Variants in EPHB1 observed in about 807,000 individuals in gnomAD.
EPHB1 encodes EPH receptor B1, also known as ephrin type-B receptor 1.
In EPHB1, 30 loss-of-function variants were observed where a neutral mutation model predicts 94.4. The observed-to-expected ratio is 0.32, with a 90% CI of 0.24 to 0.43. The LOEUF (loss-of-function observed/expected upper bound fraction) is 0.43, where lower values mean the gene tolerates loss of function less well. Among genes scored for constraint, EPHB1 ranks in the 20% least tolerant of loss-of-function variants. The pLI is 1.00. For synonymous variants in EPHB1, 522 were observed against 489.1 expected, an observed-to-expected ratio of 1.07 and a Z score of -0.89; for missense variants, 1,055 against 1,308.3, an observed-to-expected ratio of 0.81 and a Z score of 2.99.
intron 3 of EPHB1, among the ~76,000 whole-genome samples, chr3:135,001,112 T>G (rs1421538535): frequency 6.6e-6 from 1 of 152,192 alleles, no homozygotes; most frequent in Non-Finnish European, 1.5e-5. Flanking sequence ...GTGCTGATCC[T>G]CCTTGGGGCA....
intron 1 of EPHB1, among the ~76,000 whole-genome samples, chr3:134,834,232 G>T (rs1043129896): frequency 6.6e-6 from 1 of 152,192 alleles, no homozygotes; most frequent in Non-Finnish European, 1.5e-5. Context: ...TTAGAATAGA[G>T]CCTGGTAAAC....
At chr3:135,122,923 G>A (rs1940033506) in intron 4 of EPHB1, among the ~76,000 whole-genome samples, 1 of 152,096 alleles carries the variant, frequency 6.6e-6, no homozygotes. Context: ...GTGTTTCCAA[G>A]ACCCTAATGA....
chr3:135,134,690 G>A (rs770528968), intron 5 of EPHB1, among the ~76,000 whole-genome samples: 2 of 152,186 alleles, frequency 1.3e-5, no homozygotes, highest in African/African-American at 2.4e-5. Context: ...ATTATGTTAA[G>A]CATGTAACAT....
At chr3:134,921,758 C>T (rs1186562115) in intron 1 of EPHB1, among the ~76,000 whole-genome samples, 1 of 152,106 alleles carries the variant, frequency 6.6e-6, no homozygotes, top group Non-Finnish European at 1.5e-5. Context: ...AATAGCAATA[C>T]CTCATGTTTC....
intron 2 of EPHB1, among the ~76,000 whole-genome samples, chr3:134,944,158 C>A (rs1325589201): frequency 1.3e-5 from 2 of 152,278 alleles, no homozygotes; most frequent in East Asian, 3.9e-4. Flanking sequence ...TACTAACATA[C>A]CTCTCTGTCT....
At chr3:134,990,077 T>C (rs1217724565) in intron 3 of EPHB1, among the ~76,000 whole-genome samples, 3 of 152,206 alleles carry the variant, frequency 2.0e-5, no homozygotes, top group Admixed American at 6.5e-5. Flanking sequence ...CAATTTCTCC[T>C]TACCAAATTC....
At position 134,948,911 on chromosome 3, in the gene EPHB1, A is replaced by G. The variant is rs1187227467; in HGVS notation, c.124-2460A>G. On this transcript the variant is annotated intron_variant, in intron 2 of 15. Transcript: ENST00000398015. ...TGAGGGGATTTTCCAGAGCTGGAGT[A>G]ACTCAGGCAAAGAAGAACAAAAAGC... 2.0e-5 allele frequency among the ~76,000 whole-genome samples: 3 copies of G among 152,384 alleles called. No homozygotes were observed. In the East Asian group the frequency reaches 5.8e-4, roughly 29 times the overall value.
At chr3:134,928,347 A>G (rs1273451347) in intron 2 of EPHB1, among the ~76,000 whole-genome samples, 3 of 152,156 alleles carry the variant, frequency 2.0e-5, no homozygotes, top group African/African-American at 7.2e-5. Context: ...AGCACAATAC[A>G]CAGTCCCAAA....
chr3:135,022,656 A>G (rs1936024645), intron 3 of EPHB1, among the ~76,000 whole-genome samples: 1 of 152,244 alleles, frequency 6.6e-6, no homozygotes, highest in Non-Finnish European at 1.5e-5. Flanking sequence ...TCATAAGCAC[A>G]GTACCATATA....
intron 13 of EPHB1, among the ~76,000 whole-genome samples, chr3:135,246,773 T>G (rs1943937300): frequency 6.6e-6 from 1 of 152,208 alleles, no homozygotes; most frequent in Non-Finnish European, 1.5e-5. Context: ...TCCCAGTCAC[T>G]GGATTTTTAA....
At chr3:134,834,235 T>C (rs980461376) in intron 1 of EPHB1, among the ~76,000 whole-genome samples, 4 of 152,184 alleles carry the variant, frequency 2.6e-5, no homozygotes, top group Non-Finnish European at 4.4e-5. Context: ...GAATAGAGCC[T>C]GGTAAACAGT....
intron 4 of EPHB1, among the ~76,000 whole-genome samples, chr3:135,111,111 A>G (rs1939426231): frequency 6.6e-6 from 1 of 152,206 alleles, no homozygotes; most frequent in Admixed American, 6.5e-5. Flanking sequence ...CTGTAAGGAC[A>G]TGAGCTTATA....
chr3:135,161,941 A>T, intron 6 of EPHB1, 77 bp from the exon 7 acceptor site: 1 of 1,460,514 alleles, frequency 6.8e-7, no homozygotes. Flanking sequence ...ATGGGGCCTG[A>T]ATACTCCAGG....
At chr3:134,795,755 C>T (rs2035812331) in intron 1 of EPHB1, 66 bp downstream of exon 1, 13 of 1,546,706 alleles carry the variant, frequency 8.4e-6, no homozygotes, top group African/African-American at 1.4e-5. Flanking sequence ...CTGTGCTCCG[C>T]GGTTCGCGGG....
chr3:134,824,890 A>T (rs758421918), intron 1 of EPHB1, among the ~76,000 whole-genome samples: 17 of 152,294 alleles, frequency 1.1e-4, no homozygotes, highest in Middle Eastern at 3.4e-3. Context: ...CCATTTTGGC[A>T]TCAAGCAGTA....
chr3:134,973,346 G>C (rs1406849834), intron 3 of EPHB1, among the ~76,000 whole-genome samples: 1 of 151,392 alleles, frequency 6.6e-6, no homozygotes, highest in Non-Finnish European at 1.5e-5. Flanking sequence ...TGGAAGAGAT[G>C]CCCCTGCTTC....
intron 10 of EPHB1, among the ~76,000 whole-genome samples, chr3:135,186,563 G>A (rs1031075776): frequency 2.8e-4 from 42 of 152,060 alleles, no homozygotes; most frequent in African/African-American, 9.6e-4. Context: ...TTCCCCCCAA[G>A]GCAGTTTTTG....
chr3:135,083,871 T>C (rs949788640), intron 3 of EPHB1, among the ~76,000 whole-genome samples: 3 of 152,014 alleles, frequency 2.0e-5, no homozygotes, highest in Admixed American at 2.0e-4. Flanking sequence ...ACAGACTAGT[T>C]CTTGAGCCCC....
intron 12 of EPHB1, among the ~76,000 whole-genome samples, chr3:135,238,201 T>C (rs1055067790): frequency 6.6e-6 from 1 of 152,224 alleles, no homozygotes; most frequent in African/African-American, 2.4e-5. Context: ...CCCACTCTTG[T>C]GCTCCCCTGA....
Sources: allele counts gnomAD v4.1 joint callset (sites outside exome capture counted in the v4.1 genomes callset), GRCh38; gene constraint gnomAD v4.1.1; transcripts MANE v1.5; gene names NCBI Gene and HGNC (gene_info 2026-07-23, HGNC 2026-07-21).